Variants in SPATA16 observed in about 807,000 individuals in gnomAD.
SPATA16 encodes spermatogenesis-associated protein 16.
SPATA16 carries 36 observed loss-of-function variants against 63.3 expected under a neutral mutation model. That is an observed-to-expected ratio of 0.57 (90% CI 0.44 to 0.75). The LOEUF is 0.75. SPATA16 is among the 30% of genes least tolerant of loss of function. The probability of loss-of-function intolerance (pLI) is 0.00; values close to 1 mark genes in which losing one functional copy is unlikely to be tolerated. For missense variants in SPATA16, 646 were observed against 679.3 expected (o/e 0.95, Z 0.54); for synonymous variants, 203 against 216.7 (o/e 0.94, Z 0.56).
chr3:173,026,096 G>C (rs1577137720), intron 3 of SPATA16, among the ~76,000 whole-genome samples: 1 of 152,072 alleles, frequency 6.6e-6, no homozygotes, highest in South Asian at 2.1e-4. Flanking sequence ...TGATCAGCAT[G>C]TATGCGTGTG....
intron 2 of SPATA16, among the ~76,000 whole-genome samples, chr3:173,100,266 CT>C (rs1186602930): frequency 3.9e-5 from 6 of 152,096 alleles, no homozygotes; most frequent in African/African-American, 1.2e-4. Flanking sequence ...TACTTGATTG[CT>C]GTTTTCATAA....
At chr3:172,949,553 G>A (rs1303714509) in intron 6 of SPATA16, among the ~76,000 whole-genome samples, 3 of 152,158 alleles carry the variant, frequency 2.0e-5, no homozygotes, top group Admixed American at 6.6e-5. Context: ...TGATTTATTA[G>A]ATGGCAGCAC....
intron 6 of SPATA16, among the ~76,000 whole-genome samples, chr3:172,952,627 G>A (rs1337678808): frequency 6.6e-6 from 1 of 152,102 alleles, no homozygotes; most frequent in African/African-American, 2.4e-5. Context: ...ATGGATTCTA[G>A]ATGTATGACT....
intron 6 of SPATA16, among the ~76,000 whole-genome samples, chr3:172,928,848 T>G (rs1416180554): frequency 2.0e-5 from 3 of 152,208 alleles, no homozygotes; most frequent in Non-Finnish European, 4.4e-5. Context: ...AAAAAATTTT[T>G]TTTCAAGTAT....
chr3:173,102,483 C>T (rs1737519280), intron 2 of SPATA16, among the ~76,000 whole-genome samples: 1 of 152,118 alleles, frequency 6.6e-6, no homozygotes, highest in Non-Finnish European at 1.5e-5. Flanking sequence ...TAAGCAGGAG[C>T]AAGTATGTCA....
In SPATA16 at chr3:172,910,600, C is replaced by T. The variant is rs1352756123; in HGVS notation, c.1587+3061G>A. Among the ~76,000 whole-genome samples, 3 of 151,648 alleles carry T rather than the reference C, an allele frequency of 2.0e-5. No homozygotes were observed. In the South Asian group the frequency reaches 6.3e-4, roughly 32 times the overall value. On this transcript the variant is annotated intron_variant, in intron 10 of 10. Transcript: ENST00000351008. The stretch of plus-strand genomic sequence containing the variant: ...GTAGTTTGTTGACCCTTGTTCTAAA[C>T]AACTATTTCTATAGCCAACAGAGAT...
intron 2 of SPATA16, among the ~76,000 whole-genome samples, chr3:173,074,320 A>G (rs1736737910): frequency 6.6e-6 from 1 of 152,050 alleles, no homozygotes; most frequent in Admixed American, 6.5e-5. Context: ...GGGTGAAATG[A>G]TATGGTTTGG....
intron 3 of SPATA16, among the ~76,000 whole-genome samples, chr3:173,045,251 G>A (rs1735930453): frequency 6.6e-6 from 1 of 152,048 alleles, no homozygotes; most frequent in Non-Finnish European, 1.5e-5. Context: ...TCAGTTTGGT[G>A]AGACTGTAGT....
At chr3:173,032,364 A>G (rs1207189367) in intron 3 of SPATA16, among the ~76,000 whole-genome samples, 1 of 152,168 alleles carries the variant, frequency 6.6e-6, no homozygotes, top group Non-Finnish European at 1.5e-5. Context: ...TCAGAAAGAA[A>G]TGTTATATGG....
intron 2 of SPATA16, among the ~76,000 whole-genome samples, chr3:173,115,548 T>C (rs530759141): frequency 5.9e-5 from 9 of 152,178 alleles, no homozygotes; most frequent in Admixed American, 6.5e-5. Flanking sequence ...CCAGCACTTA[T>C]TAGATAGCTT....
intron 3 of SPATA16, among the ~76,000 whole-genome samples, chr3:173,022,394 A>G (rs1241571410): frequency 6.6e-6 from 1 of 152,170 alleles, no homozygotes; most frequent in African/African-American, 2.4e-5. Flanking sequence ...TGTAATTATA[A>G]AAGAATATTT....
At chr3:173,040,804 CTAAG>C (rs1233696617) in intron 3 of SPATA16, among the ~76,000 whole-genome samples, 16 of 152,048 alleles carry the variant, frequency 1.1e-4, no homozygotes. Flanking sequence ...TAGTGGAGAA[CTAAG>C]TGAGATAGCT....
At chr3:173,095,202 G>A (rs1422728035) in intron 2 of SPATA16, among the ~76,000 whole-genome samples, 1 of 152,054 alleles carries the variant, frequency 6.6e-6, no homozygotes, top group Non-Finnish European at 1.5e-5. Context: ...GTTATTGTAG[G>A]AATTGAAGGA....
intron 4 of SPATA16, among the ~76,000 whole-genome samples, chr3:172,996,456 T>C (rs919203166): frequency 7.9e-5 from 12 of 152,110 alleles, no homozygotes; most frequent in African/African-American, 2.9e-4. Context: ...TTTAAAAATT[T>C]TTATTTAAAA....
intron 2 of SPATA16, among the ~76,000 whole-genome samples, chr3:173,116,677 A>G (rs1286106056): frequency 6.6e-6 from 1 of 152,234 alleles, no homozygotes; most frequent in Non-Finnish European, 1.5e-5. Flanking sequence ...GCTAAAAAGT[A>G]AAGATGGTTA....
chr3:173,046,758 A>C (rs923990095), intron 3 of SPATA16, among the ~76,000 whole-genome samples: 17 of 151,998 alleles, frequency 1.1e-4, no homozygotes, highest in Admixed American at 1.1e-3. Flanking sequence ...TTTGTTGACT[A>C]TATTTCAGAC....
At chr3:173,051,433 A>T (rs116193015) in intron 2 of SPATA16, among the ~76,000 whole-genome samples, 4,470 of 152,180 alleles carry the variant, frequency 0.029, 97 homozygotes, top group Non-Finnish European at 0.05. Context: ...CGGTCTTCTG[A>T]CCTTGTGATC....
intron 2 of SPATA16, among the ~76,000 whole-genome samples, chr3:173,071,893 A>G (rs887349789): frequency 6.6e-5 from 10 of 152,244 alleles, no homozygotes; most frequent in Non-Finnish European, 1.3e-4. Context: ...GAGAATGGCA[A>G]TTTTTAAAAA....
At chr3:173,101,809 T>C (rs971001813) in intron 2 of SPATA16, among the ~76,000 whole-genome samples, 1 of 152,120 alleles carries the variant, frequency 6.6e-6, no homozygotes, top group Non-Finnish European at 1.5e-5. Context: ...TTCATCTCTT[T>C]TACTCCCATA....
Sources: allele counts gnomAD v4.1 joint callset (sites outside exome capture counted in the v4.1 genomes callset), GRCh38; gene constraint gnomAD v4.1.1; transcripts MANE v1.5; gene names NCBI Gene and HGNC (gene_info 2026-07-23, HGNC 2026-07-21).